SLC4A7: variants seen among roughly 807,000 people sequenced by gnomAD.
SLC4A7 encodes sodium bicarbonate cotransporter 3.
Under a neutral mutation model 137.6 loss-of-function variants are expected in SLC4A7, and 51 were observed. That is an observed-to-expected ratio of 0.37 (90% CI 0.30 to 0.47). The LOEUF (loss-of-function observed/expected upper bound fraction) is 0.47. Ranked by LOEUF, SLC4A7 falls within the 20% of genes least tolerant of loss-of-function variation. The pLI, the probability that SLC4A7 is intolerant of heterozygous loss-of-function variation, is 1.00. For synonymous variants in SLC4A7, 542 were observed against 518.6 expected, an observed-to-expected ratio of 1.05 and a Z score of -0.61; for missense variants, 1,247 against 1,525.4, an observed-to-expected ratio of 0.82 and a Z score of 3.04.
At chr3:27,451,479 A>G (rs1457506339) in intron 2 of SLC4A7, among the ~76,000 whole-genome samples, 15 of 152,086 alleles carry the variant, frequency 9.9e-5, no homozygotes, top group Admixed American at 5.2e-4. Context: ...CCAAATAACC[A>G]TAACCTCCAC....
chr3:27,382,735 T>G (rs1011392344), intron 24 of SLC4A7, among the ~76,000 whole-genome samples: 1 of 152,178 alleles, frequency 6.6e-6, no homozygotes, highest in East Asian at 1.9e-4. Context: ...GGTATTTGAA[T>G]GGACACTGAC....
In SLC4A7 at chr3:27,381,699, C is replaced by G. The variant is rs559384066; in HGVS notation, c.3590+1454G>C. On this transcript the variant is annotated intron_variant, in intron 24 of 25. Transcript: ENST00000454389. ...GAAAGAAATGGAAGTTAACTAAATACCAATAAAACATTTTCTATCAACTGG... is the reference window on the plus strand; with the variant it reads ...GAAAGAAATGGAAGTTAACTAAATAGCAATAAAACATTTTCTATCAACTGG... Among the ~76,000 whole-genome samples the G allele has an allele frequency of 3.3e-5, 5 of 152,114 alleles. No homozygotes were observed. In the East Asian group the frequency reaches 7.7e-4, roughly 24 times the overall value.
At chr3:27,378,704 C>T (rs942282274) in intron 25 of SLC4A7, among the ~76,000 whole-genome samples, 1 of 152,152 alleles carries the variant, frequency 6.6e-6, no homozygotes, top group African/African-American at 2.4e-5. Flanking sequence ...GAACAAATGG[C>T]ATACTAAACC....
At chr3:27,407,495 A>G (rs1302992085) in intron 13 of SLC4A7, among the ~76,000 whole-genome samples, 2 of 148,930 alleles carry the variant, frequency 1.3e-5, no homozygotes, top group African/African-American at 4.9e-5. Flanking sequence ...AAAAAAAAAA[A>G]TCAGCCTATT....
intron 1 of SLC4A7, among the ~76,000 whole-genome samples, chr3:27,470,975 A>G (rs1308124528): frequency 6.6e-6 from 1 of 152,150 alleles, no homozygotes; most frequent in Non-Finnish European, 1.5e-5. Flanking sequence ...AAAACAAAAC[A>G]GCAAACCCTG....
chr3:27,479,345 T>C (rs529785973), intron 1 of SLC4A7, among the ~76,000 whole-genome samples: 5 of 151,916 alleles, frequency 3.3e-5, no homozygotes, highest in African/African-American at 1.2e-4. Context: ...GCCCAGGAAG[T>C]TGGGGCTGCA....
intron 20 of SLC4A7, among the ~76,000 whole-genome samples, chr3:27,393,153 AAC>A (rs547900495): frequency 1.9e-4 from 29 of 152,188 alleles, no homozygotes; most frequent in Non-Finnish European, 2.6e-4. Context: ...CGAGAAAACC[AAC>A]AGAGACTAAG....
chr3:27,480,456 CT>C (rs1477905681), intron 1 of SLC4A7, among the ~76,000 whole-genome samples: 2 of 152,084 alleles, frequency 1.3e-5, no homozygotes, highest in African/African-American at 4.8e-5. Context: ...CTCAAACCCC[CT>C]AGGCTCAAGT....
At chr3:27,389,799 A>C in intron 22 of SLC4A7, 132 bp downstream of exon 22, 1 of 635,632 alleles carries the variant, frequency 1.6e-6, no homozygotes, top group South Asian at 2.6e-5. Flanking sequence ...GTAACAGCTA[A>C]TTCACATTTT....
chr3:27,393,770 C>T (rs1023928862), intron 20 of SLC4A7, among the ~76,000 whole-genome samples: 1 of 151,932 alleles, frequency 6.6e-6, no homozygotes, highest in African/African-American at 2.4e-5. Flanking sequence ...ATCATCATAG[C>T]ACAAAATGTA....
rs1027307337 is a variant in SLC4A7 at position 27,375,301 on chromosome 3, T to C, written c.*1463A>G. The C allele has an allele frequency of 4.6e-5, 7 of 152,076 alleles. No homozygotes were observed. The highest frequency in any genetic ancestry group is 1.7e-4 in the African/African-American group (7 of 41,464). The allele number at this position is 152,076 out of a possible 1,614,324, so 9.4% of individuals were successfully genotyped here. On this transcript the variant is annotated 3_prime_UTR_variant, in exon 26 of 26. Transcript: ENST00000454389. ...CATCCTAATAGTGATGTCACCATTTTTGATATTTCTGTGGCTTCTCAATAC... is the reference window on the plus strand; with the variant it reads ...CATCCTAATAGTGATGTCACCATTTCTGATATTTCTGTGGCTTCTCAATAC...
intron 12 of SLC4A7, among the ~76,000 whole-genome samples, chr3:27,411,027 G>A (rs1217672009): frequency 6.6e-6 from 1 of 151,990 alleles, no homozygotes; most frequent in African/African-American, 2.4e-5. Context: ...AGAATCAATA[G>A]CCACATGCTT....
intron 15 of SLC4A7, among the ~76,000 whole-genome samples, chr3:27,402,109 G>C (rs1427769609): frequency 6.6e-6 from 1 of 152,130 alleles, no homozygotes; most frequent in Admixed American, 6.6e-5. Context: ...AAGAAAAACT[G>C]TATCCTTTTG....
In SLC4A7 at chr3:27,431,371, C is replaced by A. The variant is rs774424730; in HGVS notation, c.1077G>T (p.Pro359=). The change falls in exon 7 of 26, where the codon CCG becomes CCT. Residue 359 remains proline, a synonymous_variant. Coordinates refer to ENST00000454389, the MANE Select transcript of SLC4A7 (RefSeq NM_001321103.2). ...SDDIPTVVIH[P]PEEDLEAALK... is the part of the protein sequence containing the mutation. ...GCGCTGCTTCTAAGTCTTCCTCAGG[C>A]GGATGAATTACTACTGTGGGAATAT... 3 of 1,613,358 alleles carry A rather than the reference C, an allele frequency of 1.9e-6. No individual in the cohort carries two copies. The highest frequency in any genetic ancestry group is 2.5e-6 in the Non-Finnish European group (3 of 1,179,582).
At chr3:27,377,229 T>C (rs1393761015) in intron 25 of SLC4A7, among the ~76,000 whole-genome samples, 2 of 152,128 alleles carry the variant, frequency 1.3e-5, no homozygotes, top group Admixed American at 1.3e-4. Context: ...TATAGATAGG[T>C]ATCAAATAAT....
At chr3:27,420,591 G>A in intron 10 of SLC4A7, 109 bp downstream of exon 10, 1 of 632,536 alleles carries the variant, frequency 1.6e-6, no homozygotes, top group Non-Finnish European at 2.5e-6. Context: ...ACACAGCAAG[G>A]AAAAGTTTTA....
chr3:27,479,019 A>C (rs980005980), intron 1 of SLC4A7, among the ~76,000 whole-genome samples: 1 of 151,828 alleles, frequency 6.6e-6, no homozygotes, highest in Non-Finnish European at 1.5e-5. Flanking sequence ...AAAAAAAAAA[A>C]CAAAAAAACA....
At chr3:27,394,797 T>C in intron 19 of SLC4A7, 28 bp from the exon 20 acceptor site, 1 of 1,607,664 alleles carries the variant, frequency 6.2e-7, no homozygotes. Flanking sequence ...CATAAATATC[T>C]GTAAGTCTAA....
At chr3:27,414,006 G>A (rs765410835) in intron 11 of SLC4A7, among the ~76,000 whole-genome samples, 2 of 152,188 alleles carry the variant, frequency 1.3e-5, no homozygotes, top group African/African-American at 2.4e-5. Context: ...GAGGCCAGGC[G>A]TGGTGGCTCA....
Sources: allele counts gnomAD v4.1 joint callset (sites outside exome capture counted in the v4.1 genomes callset), GRCh38; gene constraint gnomAD v4.1.1; transcripts MANE v1.5; gene names NCBI Gene and HGNC (gene_info 2026-07-23, HGNC 2026-07-21).